Variants in BMP7 observed in about 807,000 individuals in gnomAD.
BMP7 encodes bone morphogenetic protein 7, also known as osteogenic protein 1.
Under a neutral mutation model 41.2 loss-of-function variants are expected in BMP7, and 12 were observed. That is an observed-to-expected ratio of 0.29 (90% CI 0.19 to 0.47). The LOEUF is 0.47. BMP7 is among the 20% of genes least tolerant of loss of function. The pLI, the probability that BMP7 is intolerant of heterozygous loss-of-function variation, is 0.99. For synonymous variants in BMP7, 248 were observed against 250.0 expected (o/e 0.99, Z 0.07); for missense variants, 467 against 606.0 (o/e 0.77, Z 2.41).
At chr20:57,212,578 G>A (rs930025602) in intron 2 of BMP7, among the ~76,000 whole-genome samples, 1 of 152,234 alleles carries the variant, frequency 6.6e-6, no homozygotes. Flanking sequence ...TTGCTGGGCC[G>A]CAAGGATATT....
At chr20:57,217,476 A>T (rs1985059514) in intron 2 of BMP7, among the ~76,000 whole-genome samples, 1 of 152,258 alleles carries the variant, frequency 6.6e-6, no homozygotes, top group South Asian at 2.1e-4. Context: ...CAAGGACTCC[A>T]GTCTGGGGAC....
At chr20:57,181,627 T>C (rs1268998986) in intron 4 of BMP7, among the ~76,000 whole-genome samples, 1 of 152,264 alleles carries the variant, frequency 6.6e-6, no homozygotes, top group Non-Finnish European at 1.5e-5. Context: ...ATTATAGCTC[T>C]GTGGCTCTGA....
At chr20:57,172,714 C>A (rs1229823172) in intron 6 of BMP7, among the ~76,000 whole-genome samples, 1 of 152,226 alleles carries the variant, frequency 6.6e-6, no homozygotes, top group Non-Finnish European at 1.5e-5. Context: ...ATCTCATTAT[C>A]ACATGGAATC....
intron 3 of BMP7, among the ~76,000 whole-genome samples, chr20:57,187,454 G>A (rs1234240137): frequency 6.6e-6 from 1 of 152,112 alleles, no homozygotes; most frequent in Non-Finnish European, 1.5e-5. Flanking sequence ...TTAGTTCAGG[G>A]ATGAGCACAT....
At chr20:57,193,355 T>C (rs1984421066) in intron 3 of BMP7, among the ~76,000 whole-genome samples, 1 of 152,172 alleles carries the variant, frequency 6.6e-6, no homozygotes, top group African/African-American at 2.4e-5. Flanking sequence ...GCTACTGGCA[T>C]TGAGTGGGTG....
chr20:57,245,679 C>T (rs1362042461), intron 1 of BMP7, among the ~76,000 whole-genome samples: 1 of 146,390 alleles, frequency 6.8e-6, no homozygotes, highest in Non-Finnish European at 1.5e-5. Flanking sequence ...TGCTCTGTCA[C>T]CCAGGCTGGA....
At position 57,220,816 on chromosome 20, in the gene BMP7, T is replaced by C. The variant is rs150760665; in HGVS notation, c.611+7413A>G. Among the ~76,000 whole-genome samples, 699 of 152,284 alleles carry C rather than the reference T, an allele frequency of 4.6e-3. 6 individuals are homozygous for C. The highest frequency in any genetic ancestry group is 0.026 in the South Asian group (124 of 4,820). The stretch of plus-strand genomic sequence containing the variant: ...ATTGGGCTCAGATGCTGAAGAAAGA[T>C]TGCAAGCAAGGCATTCTCGAGTTTC... On this transcript the variant is annotated intron_variant, in intron 2 of 6. Coordinates refer to ENST00000395863, the MANE Select transcript of BMP7 (RefSeq NM_001719.3).
chr20:57,192,708 T>C (rs1015661989), intron 3 of BMP7, among the ~76,000 whole-genome samples: 1 of 151,550 alleles, frequency 6.6e-6, no homozygotes, highest in Non-Finnish European at 1.5e-5. Context: ...AGAGGTTTAA[T>C]AGTTTTTTTT....
chr20:57,229,105 G>A (rs1001616160), intron 1 of BMP7, among the ~76,000 whole-genome samples: 6 of 152,168 alleles, frequency 3.9e-5, no homozygotes, highest in African/African-American at 1.2e-4. Flanking sequence ...GATCTGAAGC[G>A]CCTGCTGACT....
rs755626064 is a variant in BMP7, at chr20:57,259,788, G to T, written c.418+5917C>A. On this transcript the variant is annotated intron_variant, in intron 1 of 6. Coordinates refer to ENST00000395863, the MANE Select transcript of BMP7 (RefSeq NM_001719.3). The surrounding 1 kb of genome is among the most constrained non-coding windows in gnomAD (Gnocchi z 4.7). Reference sequence around the variant, plus strand: ...AATCATAAACACTCTACTTTGGAGCGGAAAAAAATACACAGCAGCAGTCCT... The same window carrying T: ...AATCATAAACACTCTACTTTGGAGCTGAAAAAAATACACAGCAGCAGTCCT... Among the ~76,000 whole-genome samples, 1 of 151,900 alleles carries T rather than the reference G, an allele frequency of 6.6e-6. No homozygotes were observed. Among genetic ancestry groups the T allele is most frequent in the African/African-American group, 2.4e-5 (1 of 41,366 alleles).
chr20:57,247,753 C>T (rs1195603688), intron 1 of BMP7, among the ~76,000 whole-genome samples: 6 of 152,132 alleles, frequency 3.9e-5, no homozygotes, highest in African/African-American at 1.2e-4. Flanking sequence ...TGCTTTGAGT[C>T]TCTTGCTCTG....
At chr20:57,265,668 C>T (rs774053418) in intron 1 of BMP7, 37 bp downstream of exon 1, 41 of 1,573,394 alleles carry the variant, frequency 2.6e-5, no homozygotes, top group African/African-American at 6.8e-5. Flanking sequence ...AAAGTGCCCC[C>T]GAAAGGAGAC....
chr20:57,232,604 C>A (rs1310000290), intron 1 of BMP7, among the ~76,000 whole-genome samples: 1 of 152,076 alleles, frequency 6.6e-6, no homozygotes. Context: ...TGTATCTTAA[C>A]TGTTAAGGTA....
chr20:57,217,788 A>G (rs185454392), intron 2 of BMP7, among the ~76,000 whole-genome samples: 116 of 152,332 alleles, frequency 7.6e-4, no homozygotes, highest in African/African-American at 2.7e-3. Flanking sequence ...TAAATGATTG[A>G]CTTTCATTAA....
chr20:57,198,801 AAAG>A (rs1193609333), intron 3 of BMP7, among the ~76,000 whole-genome samples: 3 of 152,074 alleles, frequency 2.0e-5, no homozygotes, highest in Admixed American at 6.5e-5. Context: ...CAGCCTTCTG[AAAG>A]AAGGTCTGCG....
At chr20:57,233,609 C>T (rs1057294002) in intron 1 of BMP7, among the ~76,000 whole-genome samples, 5 of 152,212 alleles carry the variant, frequency 3.3e-5, no homozygotes, top group Admixed American at 1.3e-4. Flanking sequence ...GGGAGTCACA[C>T]CTGCCCCCGG....
At chr20:57,189,299 T>C (rs1271782980) in intron 3 of BMP7, among the ~76,000 whole-genome samples, 1 of 152,208 alleles carries the variant, frequency 6.6e-6, no homozygotes, top group African/African-American at 2.4e-5. Flanking sequence ...CTGGAACATC[T>C]TGCTCAGAGC....
intron 1 of BMP7, among the ~76,000 whole-genome samples, chr20:57,264,684 A>C (rs574016461): frequency 3.9e-5 from 6 of 152,320 alleles, no homozygotes; most frequent in African/African-American, 1.2e-4. Context: ...CACGTGGTAA[A>C]TGCTGAAAAT....
intron 1 of BMP7, among the ~76,000 whole-genome samples, chr20:57,235,448 C>T (rs1568725053): frequency 6.6e-6 from 1 of 152,152 alleles, no homozygotes; most frequent in East Asian, 1.9e-4. Context: ...TCCATGTCAA[C>T]AATTTTGGGG....
Sources: gnomAD v4.1 joint callset for allele counts (sites outside exome capture counted in the v4.1 genomes callset) on GRCh38, gnomAD v4.1.1 for gene constraint, Gnocchi (gnomAD v3.1) non-coding constraint, MANE v1.5 for transcripts, NCBI Gene and HGNC (gene_info 2026-07-23, HGNC 2026-07-21) for gene names.